Variants in TMEFF2 observed in about 807,000 individuals in gnomAD.
TMEFF2 encodes the protein tomoregulin-2.
Under a neutral mutation model 53.8 loss-of-function variants are expected in TMEFF2, and 28 were observed. The observed-to-expected ratio is 0.52, with a 90% CI of 0.39 to 0.71. The LOEUF (loss-of-function observed/expected upper bound fraction) is 0.71, where lower values mean the gene tolerates loss of function less well. Among genes scored for constraint, TMEFF2 ranks in the 30% least tolerant of loss-of-function variants. The probability of loss-of-function intolerance (pLI) is 0.00; values close to 1 mark genes in which losing one functional copy is unlikely to be tolerated. For synonymous variants in TMEFF2, 162 were observed against 166.3 expected (o/e 0.97, Z 0.20); for missense variants, 353 against 455.2 (o/e 0.78, Z 2.04).
At chr2:192,193,749 G>GAGAT (rs149082794) in intron 1 of TMEFF2, among the ~76,000 whole-genome samples, 25 of 42,082 alleles carry the variant, frequency 5.9e-4, no homozygotes, top group South Asian at 1.6e-3. Flanking sequence ...GAGAGAGAGA[G>GAGAT]AGATAGATAG....
intron 4 of TMEFF2, among the ~76,000 whole-genome samples, chr2:192,133,994 C>A (rs1258215580): frequency 1.3e-5 from 2 of 152,174 alleles, no homozygotes; most frequent in African/African-American, 2.4e-5. Flanking sequence ...GCCAGTACCC[C>A]ACCCTGTAGC....
chr2:192,176,755 T>C (rs1345008906), intron 4 of TMEFF2: 1 of 151,226 alleles, frequency 6.6e-6, no homozygotes, highest in Admixed American at 6.6e-5. Flanking sequence ...CTTGTGCAAA[T>C]GGGTTAAGCT....
chr2:191,986,328 G>T (rs1244821695), intron 7 of TMEFF2, among the ~76,000 whole-genome samples: 1 of 152,106 alleles, frequency 6.6e-6, no homozygotes, highest in Non-Finnish European at 1.5e-5. Flanking sequence ...GGATGACATG[G>T]CTTTGAACAG....
At chr2:192,124,914 G>A (rs1689640730) in intron 4 of TMEFF2, among the ~76,000 whole-genome samples, 1 of 152,090 alleles carries the variant, frequency 6.6e-6, no homozygotes, top group Admixed American at 6.6e-5. Flanking sequence ...CCGCAAAACT[G>A]TTTTGCCTCT....
chr2:192,044,392 C>A (rs895462337), intron 5 of TMEFF2: 1 of 152,130 alleles, frequency 6.6e-6, no homozygotes, highest in African/African-American at 2.4e-5. Context: ...TGAGATATTA[C>A]TTCTAAGGTA....
intron 5 of TMEFF2, among the ~76,000 whole-genome samples, chr2:192,026,079 G>T (rs942187471): frequency 4.6e-5 from 7 of 152,118 alleles, no homozygotes; most frequent in African/African-American, 1.7e-4. Context: ...GCCCCTGTGC[G>T]CCCCTCCCCA....
At position 192,081,668 on chromosome 2, in the gene TMEFF2, A is replaced by T. The variant is rs10173043; in HGVS notation, c.440-23893T>A. Among the ~76,000 whole-genome samples, 971 of 152,290 alleles carry T rather than the reference A, an allele frequency of 6.4e-3. 8 individuals carry two copies. Among genetic ancestry groups the T allele is most frequent in the African/African-American group, 0.023 (936 of 41,552 alleles). ...CTTAGTTATTATTTTCTGTTTGCTT[A>T]CCATATGGGCATATTACATGGAAAA... On this transcript the variant is annotated intron_variant, in intron 4 of 9. Coordinates refer to ENST00000272771, the MANE Select transcript of TMEFF2 (RefSeq NM_016192.4).
intron 4 of TMEFF2, among the ~76,000 whole-genome samples, chr2:192,101,575 A>T (rs1689032316): frequency 6.6e-6 from 1 of 152,210 alleles, no homozygotes. Flanking sequence ...TAGGGCTTGA[A>T]TCCTACTTTA....
chr2:192,019,660 C>T (rs1465787848), intron 5 of TMEFF2, among the ~76,000 whole-genome samples: 3 of 150,674 alleles, frequency 2.0e-5, no homozygotes, highest in African/African-American at 7.3e-5. Flanking sequence ...TTTCAGGGTC[C>T]TTGTATTTTG....
At chr2:191,956,150 T>C in intron 8 of TMEFF2, 105 bp downstream of exon 8, 1 of 1,253,326 alleles carries the variant, frequency 8.0e-7, no homozygotes, top group Non-Finnish European at 1.1e-6. Context: ...TTGTTGCTGA[T>C]TACCCATTCA....
At chr2:192,054,242 A>G (rs1031965024) in intron 5 of TMEFF2, among the ~76,000 whole-genome samples, 1 of 150,976 alleles carries the variant, frequency 6.6e-6, no homozygotes, top group African/African-American at 2.4e-5. Flanking sequence ...TTTCATTCTG[A>G]TCTTGTAATT....
intron 4 of TMEFF2, among the ~76,000 whole-genome samples, chr2:192,157,926 T>C (rs1051443244): frequency 3.3e-5 from 5 of 152,108 alleles, no homozygotes; most frequent in African/African-American, 1.2e-4. Flanking sequence ...CATGTCTTCA[T>C]GTGCGTTTCC....
At chr2:192,036,372 T>G (rs1004491390) in intron 5 of TMEFF2, 5 of 152,266 alleles carry the variant, frequency 3.3e-5, no homozygotes, top group Admixed American at 6.5e-5. Flanking sequence ...TCATGTAAGA[T>G]ATGTTTTTCT....
At chr2:192,184,581 T>C in intron 2 of TMEFF2, 98 bp from the exon 3 acceptor site, 1 of 1,441,614 alleles carries the variant, frequency 6.9e-7, no homozygotes, top group Non-Finnish European at 9.4e-7. Flanking sequence ...AAACCACTTG[T>C]CTTCATTTTC....
At chr2:191,983,948 C>T (rs1271493586) in intron 7 of TMEFF2, among the ~76,000 whole-genome samples, 3 of 152,128 alleles carry the variant, frequency 2.0e-5, no homozygotes, top group African/African-American at 7.2e-5. Context: ...TTTAAAATGT[C>T]ACATACAGCA....
At chr2:192,043,765 A>G (rs1321823025) in intron 5 of TMEFF2, 1 of 152,262 alleles carries the variant, frequency 6.6e-6, no homozygotes, top group East Asian at 1.9e-4. Flanking sequence ...GATAAGTGGA[A>G]GCTGCTAAAA....
chr2:192,038,306 G>T (rs1687381770), intron 5 of TMEFF2, among the ~76,000 whole-genome samples: 1 of 152,082 alleles, frequency 6.6e-6, no homozygotes, highest in Non-Finnish European at 1.5e-5. Flanking sequence ...TGTACCTCAA[G>T]TTCATCATCT....
chr2:192,130,547 TTAAC>T (rs1021380256), intron 4 of TMEFF2, among the ~76,000 whole-genome samples: 31 of 152,116 alleles, frequency 2.0e-4, no homozygotes, highest in African/African-American at 7.5e-4. Flanking sequence ...CTGCCCCACC[TTAAC>T]TGAGCGATTA....
intron 4 of TMEFF2, among the ~76,000 whole-genome samples, chr2:192,085,632 T>A (rs1431374692): frequency 6.6e-6 from 1 of 150,960 alleles, no homozygotes; most frequent in Admixed American, 6.6e-5. Flanking sequence ...GCACTCTATA[T>A]CTAATAACCA....
Sources: allele counts gnomAD v4.1 joint callset (sites outside exome capture counted in the v4.1 genomes callset), GRCh38; gene constraint gnomAD v4.1.1; transcripts MANE v1.5; gene names NCBI Gene and HGNC (gene_info 2026-07-23, HGNC 2026-07-21).